Variants in MUC7 observed in about 807,000 individuals in gnomAD.
MUC7 encodes mucin 7, secreted, also known as mucin-7.
Under a neutral mutation model 2.5 loss-of-function variants are expected in MUC7, and 2 were observed. The ratio of observed to expected loss-of-function variants is 0.81; its 90% confidence interval spans 0.33 to 2.55. The LOEUF (loss-of-function observed/expected upper bound fraction) is 2.55, where lower values mean the gene tolerates loss of function less well. Ranked by LOEUF, MUC7 falls within the 30% of genes most tolerant of loss-of-function variation. The pLI, the probability that MUC7 is intolerant of heterozygous loss-of-function variation, is 0.11. For synonymous variants in MUC7, 133 were observed against 173.4 expected (o/e 0.77, Z 1.83); for missense variants, 408 against 455.6 (o/e 0.90, Z 0.95).
In MUC7 at chr4:70,481,887, A is replaced by G. The variant is rs371645322; in HGVS notation, c.*9A>G. The G allele has an allele frequency of 2.7e-5, 44 of 1,610,914 alleles. No individual in the cohort carries two copies. The highest frequency in any genetic ancestry group is 6.7e-5 in the East Asian group (3 of 44,838). ...ACATGGTGGAGCAATAGTATATTGT[A>G]TGTTGTAAAGTGTTCTGTCATTTAC... On this transcript the variant is annotated 3_prime_UTR_variant, in exon 3 of 3. Transcript: ENST00000304887.
At chr4:70,471,672 A>G (rs1041649909), upstream of MUC7, among the ~76,000 whole-genome samples, 4 of 152,326 alleles carry the variant, frequency 2.6e-5, no homozygotes, top group African/African-American at 9.6e-5. Flanking sequence ...TTCAAGACAA[A>G]AAGTCAAAAA....
At chr4:70,462,404 T>C (rs944824079) in intron 1 of MUC7, among the ~76,000 whole-genome samples, 2 of 152,258 alleles carry the variant, frequency 1.3e-5, no homozygotes, top group African/African-American at 4.8e-5. Flanking sequence ...TATAGTTCAA[T>C]GATTCTGTTA....
intron 1 of MUC7, among the ~76,000 whole-genome samples, chr4:70,451,212 C>T (rs1376604220): frequency 2.0e-5 from 3 of 152,172 alleles, no homozygotes; most frequent in Admixed American, 2.0e-4. Flanking sequence ...CCTAGTTTTT[C>T]TTTCTGCTCT....
At chr4:70,441,777 A>C (rs1472600223) in intron 1 of MUC7, among the ~76,000 whole-genome samples, 1 of 152,148 alleles carries the variant, frequency 6.6e-6, no homozygotes, top group South Asian at 2.1e-4. Context: ...AAACTATTGC[A>C]AAAAAATAGT....
chr4:70,474,767 CA>C (rs1437684941), intron 2 of MUC7, among the ~76,000 whole-genome samples: 7 of 151,988 alleles, frequency 4.6e-5, no homozygotes, highest in African/African-American at 1.7e-4. Flanking sequence ...AAAGCACTCC[CA>C]GGGGATTTAC....
intron 2 of MUC7, among the ~76,000 whole-genome samples, chr4:70,475,294 A>G (rs1734964440): frequency 6.6e-6 from 1 of 152,146 alleles, no homozygotes; most frequent in Non-Finnish European, 1.5e-5. Flanking sequence ...AAAAAAAAAG[A>G]AAGAAATGAA....
chr4:70,453,574 G>A (rs1457275028), intron 1 of MUC7, among the ~76,000 whole-genome samples: 2 of 151,832 alleles, frequency 1.3e-5, no homozygotes, highest in East Asian at 3.9e-4. Flanking sequence ...AAAATGTAAG[G>A]CCTGGAACTG....
chr4:70,481,879 T>C lies in MUC7; in HGVS notation c.*1T>C, dbSNP rs1735208757. On this transcript the variant is annotated 3_prime_UTR_variant, in exon 3 of 3. Transcript: ENST00000304887. Reference sequence around the variant, plus strand: ...TATTGACGACATGGTGGAGCAATAGTATATTGTATGTTGTAAAGTGTTCTG... The same window carrying C: ...TATTGACGACATGGTGGAGCAATAGCATATTGTATGTTGTAAAGTGTTCTG... The C allele has an allele frequency of 1.9e-6, 3 of 1,612,732 alleles. No homozygotes were observed. Among genetic ancestry groups the C allele is most frequent in the Non-Finnish European group, 2.5e-6 (3 of 1,179,366 alleles).
At chr4:70,471,924 A>G (rs1369825385), upstream of MUC7, 1 of 152,168 alleles carries the variant, frequency 6.6e-6, no homozygotes, top group Non-Finnish European at 1.5e-5. Context: ...GACCTGGGCC[A>G]TGGTTGTTTG....
At chr4:70,452,667 A>G (rs1450397261) in intron 1 of MUC7, among the ~76,000 whole-genome samples, 1 of 152,118 alleles carries the variant, frequency 6.6e-6, no homozygotes, top group East Asian at 1.9e-4. Context: ...TGTTGTAGTT[A>G]CTATATTTGA....
intron 1 of MUC7, among the ~76,000 whole-genome samples, chr4:70,432,806 T>TGAA (rs1171777036): frequency 6.6e-6 from 1 of 152,238 alleles, no homozygotes; most frequent in Non-Finnish European, 1.5e-5. Flanking sequence ...TCCTTGCCCA[T>TGAA]GTCTATGTCC....
At chr4:70,473,900 G>T (rs1734913700) in intron 1 of MUC7, 107 bp from the exon 2 acceptor site, 3 of 751,006 alleles carry the variant, frequency 4.0e-6, no homozygotes, top group Non-Finnish European at 4.3e-6. Flanking sequence ...AGAAACCATT[G>T]GTCTCTTTTT....
chr4:70,473,791 C>A (rs1432400407), intron 1 of MUC7, among the ~76,000 whole-genome samples: 2 of 152,154 alleles, frequency 1.3e-5, no homozygotes, highest in Non-Finnish European at 2.9e-5. Context: ...TAGAATAATT[C>A]TTGAGCCTCC....
In MUC7 at chr4:70,433,936, G is replaced by A. The variant is rs192412164; in HGVS notation, c.-93+3249G>A. 6.6e-4 allele frequency among the ~76,000 whole-genome samples: 100 copies of A among 152,282 alleles called. 1 individual carries two copies. The highest frequency in any genetic ancestry group is 2.3e-3 in the African/African-American group (94 of 41,556). ...TTTACTGAGAGTTTTTAGCATGACA[G>A]GCTGTTGAATTTTGTCGAAGGCCTT... On this transcript the variant is annotated intron_variant, in intron 1 of 3. Transcript: ENST00000413702.
At chr4:70,446,337 C>T (rs1734134195) in intron 1 of MUC7, among the ~76,000 whole-genome samples, 1 of 152,166 alleles carries the variant, frequency 6.6e-6, no homozygotes, top group South Asian at 2.1e-4. Context: ...AAATTTCTCT[C>T]ACAGTTTTAT....
upstream of MUC7, among the ~76,000 whole-genome samples, chr4:70,467,232 C>A (rs1446162892): frequency 6.6e-6 from 1 of 152,124 alleles, no homozygotes; most frequent in African/African-American, 2.4e-5. Flanking sequence ...ACACAACATA[C>A]CAGAATCTCT....
At chr4:70,462,850 T>C (rs1033406766) in intron 1 of MUC7, among the ~76,000 whole-genome samples, 4 of 152,066 alleles carry the variant, frequency 2.6e-5, no homozygotes, top group African/African-American at 9.7e-5. Flanking sequence ...TACATGCCTG[T>C]AGTCCCAGCA....
chr4:70,445,605 C>T (rs1734112472), intron 1 of MUC7, among the ~76,000 whole-genome samples: 1 of 152,172 alleles, frequency 6.6e-6, no homozygotes, highest in Non-Finnish European at 1.5e-5. Flanking sequence ...CCAAAACCAC[C>T]TCTAACTGGA....
At chr4:70,446,525 A>G (rs751854277) in intron 1 of MUC7, among the ~76,000 whole-genome samples, 6 of 152,124 alleles carry the variant, frequency 3.9e-5, no homozygotes, top group Non-Finnish European at 5.9e-5. Flanking sequence ...ATCTTCCTTC[A>G]TGTGACCATC....
Sources: gnomAD v4.1 joint callset for allele counts (sites outside exome capture counted in the v4.1 genomes callset) on GRCh38, gnomAD v4.1.1 for gene constraint, MANE v1.5 for transcripts, NCBI Gene and HGNC (gene_info 2026-07-23, HGNC 2026-07-21) for gene names.